The following RALY variants were observed in gnomAD, a reference collection of about 807,000 sequenced individuals.
RALY encodes the protein RNA-binding protein Raly.
In RALY, 15 loss-of-function variants were observed where a neutral mutation model predicts 30.7. That is an observed-to-expected ratio of 0.49 (90% CI 0.33 to 0.75). RALY has a LOEUF of 0.75. Ranked by LOEUF, RALY falls within the 30% of genes least tolerant of loss-of-function variation. The pLI, the probability that RALY is intolerant of heterozygous loss-of-function variation, is 0.02. For missense variants in RALY, 339 were observed against 414.3 expected (o/e 0.82, Z 1.58); for synonymous variants, 177 against 170.8 (o/e 1.04, Z -0.28).
intron 7 of RALY, 89 bp downstream of exon 7, chr20:34,076,904 T>C: frequency 6.3e-7 from 1 of 1,587,150 alleles, no homozygotes; most frequent in Non-Finnish European, 8.6e-7. Context: ...GGAGCTAGGG[T>C]GGCCCTGCAG....
At chr20:34,025,435 A>T (rs1487565741) in intron 1 of RALY, among the ~76,000 whole-genome samples, 1 of 151,840 alleles carries the variant, frequency 6.6e-6, no homozygotes, top group East Asian at 1.9e-4. Context: ...AGTAGCTGGG[A>T]CTACAGGCAT....
intron 1 of RALY, among the ~76,000 whole-genome samples, chr20:34,002,252 C>A (rs1285206490): frequency 6.6e-6 from 1 of 152,134 alleles, no homozygotes; most frequent in African/African-American, 2.4e-5. Context: ...TTGATTCTTA[C>A]ACCAATTAAA....
chr20:34,023,972 G>A (rs751174694), intron 1 of RALY, among the ~76,000 whole-genome samples: 2 of 152,244 alleles, frequency 1.3e-5, no homozygotes, highest in East Asian at 3.9e-4. Flanking sequence ...AGTCCAAGGC[G>A]GGCGGATCAC....
chr20:34,079,467 T>G (rs2033984809), intron 9 of RALY, among the ~76,000 whole-genome samples: 1 of 152,206 alleles, frequency 6.6e-6, no homozygotes, highest in Admixed American at 6.5e-5. Context: ...TCTCAAACAC[T>G]AGTGTTTCCA....
chr20:34,036,871 G>T (rs1243228283), intron 2 of RALY, among the ~76,000 whole-genome samples: 4 of 151,768 alleles, frequency 2.6e-5, no homozygotes, highest in East Asian at 3.9e-4. Context: ...GATTTTGCTG[G>T]TGTTTTCAAA....
intron 1 of RALY, among the ~76,000 whole-genome samples, chr20:34,026,560 T>C (rs2032047065): frequency 8.7e-6 from 1 of 115,114 alleles, no homozygotes; most frequent in Non-Finnish European, 1.9e-5. Flanking sequence ...CCGCCAGCCA[T>C]GCCCAGCTAA....
At chr20:34,007,279 T>C (rs2031200177) in intron 1 of RALY, among the ~76,000 whole-genome samples, 2 of 152,034 alleles carry the variant, frequency 1.3e-5, no homozygotes, top group African/African-American at 4.8e-5. Flanking sequence ...CCCAGCACTT[T>C]GGGAGGCCAA....
At chr20:34,060,376 G>C (rs990018268) in intron 2 of RALY, among the ~76,000 whole-genome samples, 2 of 152,220 alleles carry the variant, frequency 1.3e-5, no homozygotes, top group African/African-American at 4.8e-5. Context: ...TGCTCAGCCA[G>C]TTAAGTATCT....
intron 1 of RALY, among the ~76,000 whole-genome samples, chr20:33,994,829 C>A (rs1050295103): frequency 6.6e-6 from 1 of 152,084 alleles, no homozygotes; most frequent in Non-Finnish European, 1.5e-5. Flanking sequence ...TGTTTAACAC[C>A]GACAGGGAAC....
chr20:34,003,577 C>G (rs2031017783), intron 1 of RALY, among the ~76,000 whole-genome samples: 1 of 151,374 alleles, frequency 6.6e-6, no homozygotes. Context: ...GTTCTCTAAC[C>G]TCATACTGTA....
chr20:34,023,405 T>C (rs913445520), intron 1 of RALY, among the ~76,000 whole-genome samples: 3 of 152,156 alleles, frequency 2.0e-5, no homozygotes, highest in African/African-American at 7.2e-5. Flanking sequence ...GGGAGAGCCA[T>C]GGCTTAAACC....
At chr20:33,997,090 C>T (rs910746927) in intron 1 of RALY, among the ~76,000 whole-genome samples, 2 of 152,056 alleles carry the variant, frequency 1.3e-5, no homozygotes, top group Non-Finnish European at 2.9e-5. Flanking sequence ...TCTCTGCTGG[C>T]CCCCCAGTAT....
chr20:34,039,090 A>G (rs2032603925), intron 2 of RALY, among the ~76,000 whole-genome samples: 1 of 152,196 alleles, frequency 6.6e-6, no homozygotes, highest in African/African-American at 2.4e-5. Context: ...CCAAAGGCGC[A>G]TTGGTCTGTG....
chr20:34,030,595 A>G (rs1416656118), intron 1 of RALY, among the ~76,000 whole-genome samples: 2 of 152,208 alleles, frequency 1.3e-5, no homozygotes, highest in Non-Finnish European at 2.9e-5. Context: ...CACAAGTGAG[A>G]CAGAGTTAGA....
At position 34,082,672 on chromosome 20, in the gene RALY, C is replaced by G. The variant is rs2034048682; in HGVS notation, c.*2767C>G. The G allele has an allele frequency of 6.6e-6, 1 of 152,338 alleles. No individual in the cohort carries two copies. Among genetic ancestry groups the G allele is most frequent in the Non-Finnish European group, 1.5e-5 (1 of 68,140 alleles). The allele number at this position is 152,338 out of a possible 1,614,324, so 9.4% of individuals were successfully genotyped here. A position where few individuals can be genotyped will look rare whatever the true frequency, so the allele number is the denominator to read the frequency against. Reference sequence around the variant, plus strand: ...GTCCCATCCTGGAACTCCAGAAAAGCCCCTGGATGCTCCAGCCCCTGGGAA... The same window carrying G: ...GTCCCATCCTGGAACTCCAGAAAAGGCCCTGGATGCTCCAGCCCCTGGGAA... On this transcript the variant is annotated 3_prime_UTR_variant, in exon 10 of 10. Coordinates refer to ENST00000246194, the MANE Select transcript of RALY (RefSeq NM_016732.3).
intron 2 of RALY, among the ~76,000 whole-genome samples, chr20:34,061,546 A>G (rs1601490940): frequency 6.6e-6 from 1 of 152,220 alleles, no homozygotes; most frequent in East Asian, 1.9e-4. Context: ...CTTCACCACA[A>G]ATAGTTTTGA....
chr20:34,053,500 C>T (rs1352339497), intron 2 of RALY, among the ~76,000 whole-genome samples: 1 of 143,202 alleles, frequency 7.0e-6, no homozygotes, highest in Non-Finnish European at 1.5e-5. Context: ...TGGGCTCAAG[C>T]AGTCCTCCCA....
At position 34,077,307 on chromosome 20, in the gene RALY, C is replaced by T; in HGVS notation, c.876+62C>T. 4 of 1,600,506 alleles carry T rather than the reference C, an allele frequency of 2.5e-6. No individual in the cohort carries two copies. In the Admixed American group the frequency reaches 6.9e-5, roughly 28 times the overall value. On this transcript the variant is annotated intron_variant, in intron 8 of 9. Coordinates refer to ENST00000246194, the MANE Select transcript of RALY (RefSeq NM_016732.3). ...TGTGCTCCTACTCTCAGGAGGCCAA[C>T]AGGGGAATGGGCAGCCTGAGCTGGT...
intron 1 of RALY, chr20:34,017,336 AT>A (rs1454821334): frequency 6.6e-6 from 1 of 152,202 alleles, no homozygotes; most frequent in Non-Finnish European, 1.5e-5. Context: ...CATAATCTCT[AT>A]TGTACTATGC....
Sources: allele counts gnomAD v4.1 joint callset (sites outside exome capture counted in the v4.1 genomes callset), GRCh38; gene constraint gnomAD v4.1.1; transcripts MANE v1.5; gene names NCBI Gene and HGNC (gene_info 2026-07-23, HGNC 2026-07-21).